RASSF5: variants seen among roughly 807,000 people sequenced by gnomAD.
RASSF5 encodes the protein Ras association domain family member 5, also known as ras association domain-containing protein 5.
In RASSF5, 25 loss-of-function variants were observed where a neutral mutation model predicts 40.5. The ratio of observed to expected loss-of-function variants is 0.62; its 90% CI spans 0.45 to 0.86. The LOEUF is 0.86. Among genes scored for constraint, RASSF5 ranks in the 40% least tolerant of loss-of-function variants. RASSF5 has a pLI of 0.00. For missense variants in RASSF5, 521 were observed against 572.8 expected, an observed-to-expected ratio of 0.91 and a Z score of 0.92; for synonymous variants, 246 against 252.4, an observed-to-expected ratio of 0.97 and a Z score of 0.24.
intron 1 of RASSF5, among the ~76,000 whole-genome samples, chr1:206,523,611 TATATATAAA>T (rs1213721899): frequency 6.8e-5 from 7 of 103,036 alleles, no homozygotes; most frequent in South Asian, 4.6e-4. Flanking sequence ...ATATTTTATA[TATATATAAA>T]ATATATAAAA....
intron 2 of RASSF5, among the ~76,000 whole-genome samples, chr1:206,568,344 C>A (rs556226413): frequency 6.6e-6 from 1 of 152,326 alleles, no homozygotes; most frequent in Admixed American, 6.5e-5. Flanking sequence ...GAGGAGAGGA[C>A]TCGTGTGGGC....
chr1:206,514,420 G>A (rs530480887), intron 1 of RASSF5, among the ~76,000 whole-genome samples: 1 of 152,380 alleles, frequency 6.6e-6, no homozygotes, highest in South Asian at 2.1e-4. Context: ...GGTGGTGTTG[G>A]AAAGAGTAGT....
rs1419826236 is a variant in RASSF5 at position 206,513,081 on chromosome 1, A to C, written c.457+5022A>C. Among the ~76,000 whole-genome samples, 1 of 152,132 alleles carries C rather than the reference A, an allele frequency of 6.6e-6. No homozygotes were observed. The highest frequency in any genetic ancestry group is 1.5e-5 in the Non-Finnish European group (1 of 68,014). ...GGCTTTGGTGCTGTCTCAGGCCCTC[A>C]AGCCATTTCCCCCGCTTTGGGCTTC... is the stretch of plus-strand genomic sequence containing the variant. On this transcript the variant is annotated intron_variant, in intron 1 of 5. Transcript: ENST00000579436. This position sits in a 1 kb window ranked among gnomAD's most constrained non-coding sequence, Gnocchi z 5.0.
At chr1:206,534,959 G>A (rs1416046509) in intron 1 of RASSF5, among the ~76,000 whole-genome samples, 11 of 152,116 alleles carry the variant, frequency 7.2e-5, no homozygotes, top group Non-Finnish European at 1.2e-4. Context: ...GGCCGGGTGC[G>A]GTGGCTCACA....
At chr1:206,514,612 G>A (rs868971736) in intron 1 of RASSF5, among the ~76,000 whole-genome samples, 2 of 152,204 alleles carry the variant, frequency 1.3e-5, no homozygotes, top group African/African-American at 4.8e-5. Context: ...ATGGCCATTG[G>A]CTGGGGCTGC....
intron 2 of RASSF5, among the ~76,000 whole-genome samples, chr1:206,569,192 G>A (rs1349244496): frequency 1.3e-5 from 2 of 152,202 alleles, no homozygotes; most frequent in Admixed American, 6.5e-5. Flanking sequence ...ACGTGTATTC[G>A]CGGGAGCCTT....
chr1:206,572,873 GA>G (rs1668498110), intron 2 of RASSF5, among the ~76,000 whole-genome samples: 1 of 152,186 alleles, frequency 6.6e-6, no homozygotes, highest in Non-Finnish European at 1.5e-5. Context: ...TAGGACCCAT[GA>G]AAGTCATAAT....
At chr1:206,585,503 C>T in intron 5 of RASSF5, 1 of 446,738 alleles carries the variant, frequency 2.2e-6, no homozygotes, top group Middle Eastern at 5.9e-4. Flanking sequence ...ACATTAGGGC[C>T]TGTGTGTGGC....
At chr1:206,523,357 A>G (rs1666957778) in intron 1 of RASSF5, among the ~76,000 whole-genome samples, 2 of 129,010 alleles carry the variant, frequency 1.6e-5, no homozygotes, top group South Asian at 4.3e-4. Context: ...TATATTTTAT[A>G]TATTATATAA....
At chr1:206,571,080 C>T (rs1367234740) in intron 2 of RASSF5, among the ~76,000 whole-genome samples, 7 of 152,160 alleles carry the variant, frequency 4.6e-5, no homozygotes, top group Non-Finnish European at 7.4e-5. Context: ...TTCCCTGCAT[C>T]CATGCCAATG....
At chr1:206,570,381 A>C (rs1441496566) in intron 2 of RASSF5, among the ~76,000 whole-genome samples, 3 of 152,128 alleles carry the variant, frequency 2.0e-5, no homozygotes, top group African/African-American at 7.2e-5. Context: ...GGTGTGAGCC[A>C]CTGCACCCAG....
intron 2 of RASSF5, among the ~76,000 whole-genome samples, chr1:206,546,269 G>A (rs1667691771): frequency 6.6e-6 from 1 of 151,250 alleles, no homozygotes; most frequent in Non-Finnish European, 1.5e-5. Context: ...ACCACACCTG[G>A]CTGACTTTTT....
At chr1:206,508,439 G>C (rs1553394196) in intron 1 of RASSF5, among the ~76,000 whole-genome samples, 1 of 152,030 alleles carries the variant, frequency 6.6e-6, no homozygotes, top group African/African-American at 2.4e-5. Context: ...GTTTTGTTGT[G>C]AGTTCTTGGG....
chr1:206,575,824 C>T (rs1347724690), intron 2 of RASSF5, among the ~76,000 whole-genome samples: 1 of 152,228 alleles, frequency 6.6e-6, no homozygotes, highest in African/African-American at 2.4e-5. Context: ...CATTTGTTCT[C>T]ATCAGCTAGC....
At chr1:206,582,801 G>T (rs1668945190) in intron 2 of RASSF5, among the ~76,000 whole-genome samples, 1 of 152,196 alleles carries the variant, frequency 6.6e-6, no homozygotes, top group South Asian at 2.1e-4. Context: ...TGGCACCATG[G>T]GTAGACGCCT....
Position 206,539,212 on chromosome 1 carries a change from G to A in RASSF5, c.579+919G>A, listed in dbSNP as rs549554624. Among the ~76,000 whole-genome samples, 3 of 152,300 alleles carry A rather than the reference G, an allele frequency of 2.0e-5. No homozygotes were observed. In the South Asian group the frequency reaches 6.2e-4, roughly 32 times the overall value. On this transcript the variant is annotated intron_variant, in intron 2 of 5. Coordinates refer to ENST00000579436, the MANE Select transcript of RASSF5 (RefSeq NM_182663.4). ...GAGTGTTCACCATGTGCCAGGCCCA[G>A]GAATGCTGAGGATTTAATGATGAAA...
In RASSF5 at chr1:206,584,652, C is replaced by T. The variant is rs782205958; in HGVS notation, c.956C>T (p.Ala319Val). Residue 319 changes from alanine (A) to valine (V), a missense_variant, in exon 4 of 6, where the codon GCA becomes GTA. Transcript: ENST00000579436. The surrounding 1 kb of genome is among the most constrained non-coding windows in gnomAD (Gnocchi z 4.9). ...GTTGTGGACAATCCCCAGAAGTTTG[C>T]ACTTTTTAAGCGGATACACAAGGAC... ...FMVVDNPQKF[A>V]LFKRIHKDGQ... 13 of 1,614,190 alleles carry T rather than the reference C, an allele frequency of 8.1e-6. No homozygotes were observed. The highest frequency in any genetic ancestry group is 1.1e-5 in the Non-Finnish European group (13 of 1,180,036).
Position 206,585,227 on chromosome 1 carries a change from C to G in RASSF5, c.1036C>G (p.Leu346Val). The G allele has an allele frequency of 6.2e-7, 1 of 1,614,188 alleles. No individual in the cohort carries two copies. The highest frequency in any genetic ancestry group is 8.5e-7 in the Non-Finnish European group (1 of 1,180,032). The change falls in exon 5 of 6, where the codon CTG (leucine) becomes GTG (valine). Residue 346 changes from leucine (L) to valine (V), a missense_variant. Physicochemically the swap from Leu to Val is conservative, Grantham distance 32. Around this residue, in one of 2 missense-constraint regions of RASSF5, gnomAD observed 284 missense variants for 360.8 expected, o/e 0.79. Coordinates refer to ENST00000579436, the MANE Select transcript of RASSF5 (RefSeq NM_182663.4). ...TGCTGACCGCCCCCTCTACCTGCGC[C>G]TGCTTGCTGGGCCTGACACGGAGGT... ...SIADRPLYLR[L>V]LAGPDTEVLS... is the part of the protein sequence containing the mutation.
intron 1 of RASSF5, among the ~76,000 whole-genome samples, chr1:206,523,187 C>G (rs1268577158): frequency 1.3e-5 from 2 of 150,644 alleles, no homozygotes; most frequent in Non-Finnish European, 2.9e-5. Flanking sequence ...ACCTGTAGTC[C>G]CAGCTACTTG....
Sources: allele counts gnomAD v4.1 joint callset (sites outside exome capture counted in the v4.1 genomes callset), GRCh38; gene constraint gnomAD v4.1.1; regional missense constraint gnomAD v4.1.1; non-coding constraint Gnocchi (gnomAD v3.1); transcripts MANE v1.5; gene names NCBI Gene and HGNC (gene_info 2026-07-23, HGNC 2026-07-21).